The following CARHSP1 variants were observed in gnomAD, a reference collection of about 807,000 sequenced individuals.
CARHSP1 encodes the protein calcium-regulated heat-stable protein 1.
A neutral mutation model predicts 12.5 loss-of-function variants in CARHSP1; 14 were observed. The observed-to-expected ratio is 1.12, with a 90% CI of 0.74 to 1.75. CARHSP1 has a LOEUF of 1.75. Among genes scored for constraint, CARHSP1 ranks in the 40% most tolerant of loss-of-function variants. The probability of loss-of-function intolerance (pLI) is 0.00; values close to 1 mark genes in which losing one functional copy is unlikely to be tolerated. For missense variants in CARHSP1, 343 were observed against 201.6 expected (o/e 1.70, Z -4.25); for synonymous variants, 161 against 82.0 (o/e 1.96, Z -5.20).
intron 1 of CARHSP1, chr16:8,861,724 G>A: frequency 7.8e-7 from 1 of 1,287,766 alleles, no homozygotes; most frequent in Non-Finnish European, 1.0e-6. Context: ...AGTCCGGGGA[G>A]CCCCCACCTC....
intron 3 of CARHSP1, among the ~76,000 whole-genome samples, chr16:8,857,272 T>TTTTTTTTTTG (rs2061156337): frequency 3.4e-5 from 1 of 29,336 alleles, no homozygotes; most frequent in African/African-American, 1.2e-4. Context: ...TGTTTTTTTT[T>TTTTTTTTTTG]TTTTTTTTTT....
chr16:8,865,694 C>T (rs922377333), intron 1 of CARHSP1, among the ~76,000 whole-genome samples: 6 of 152,206 alleles, frequency 3.9e-5, no homozygotes, highest in African/African-American at 1.2e-4. Flanking sequence ...GTAGTGCTTT[C>T]ATACACCCTA....
In CARHSP1 at chr16:8,858,396, T is replaced by C; in HGVS notation, c.235A>G (p.Ile79Val). 6.2e-7 allele frequency: 1 copy of C among 1,614,034 alleles called. No individual in the cohort carries two copies. The highest frequency in any genetic ancestry group is 8.5e-7 in the Non-Finnish European group (1 of 1,180,024). ...TCGGGGCCGCCATCAGCTGGAGTAA[T>C]GAAGCCATGGCCCTTGGACCGGCAG... ...CFCRSKGHGF[I>V]TPADGGPDIF... is the part of the protein sequence containing the mutation. Residue 79 changes from isoleucine to valine, a missense_variant, in exon 3 of 4, where the codon ATT becomes GTT. Physicochemically the swap from Ile to Val is conservative, Grantham distance 29 (BLOSUM62 3). Coordinates refer to ENST00000311052, the MANE Select transcript of CARHSP1 (RefSeq NM_014316.4).
intron 1 of CARHSP1, chr16:8,860,100 C>T (rs566997449): frequency 1.0e-6 from 1 of 982,256 alleles, no homozygotes; most frequent in South Asian, 4.7e-5. Flanking sequence ...GGGGCAAAAA[C>T]TGACCCTCAC....
chr16:8,861,793 G>A (rs978971971), intron 1 of CARHSP1: 9 of 1,248,326 alleles, frequency 7.2e-6, no homozygotes, highest in South Asian at 4.0e-5. Flanking sequence ...ACCAGCACAG[G>A]TCATAGAGTC....
intron 1 of CARHSP1, among the ~76,000 whole-genome samples, chr16:8,864,300 G>T (rs913619666): frequency 6.6e-6 from 1 of 151,536 alleles, no homozygotes; most frequent in Non-Finnish European, 1.5e-5. Context: ...ATGGAGCGGG[G>T]AGCCTCACCT....
chr16:8,857,263 G>GTTTTTTGTTTTTTGTTTTTTTTT lies in CARHSP1; in HGVS notation c.281+1086_281+1087insAAAAAAAAACAAAAAACAAAAAA, dbSNP rs1315960023. Among the ~76,000 whole-genome samples the GTTTTTTGTTTTTTGTTTTTTTTT allele has an allele frequency of 6.5e-4, 37 of 57,038 alleles. 5 individuals carry two copies. Among genetic ancestry groups the GTTTTTTGTTTTTTGTTTTTTTTT allele is most frequent in the East Asian group, 1.8e-3 (2 of 1,120 alleles). The allele number at this position is 57,038 out of a possible 152,430, so 37.4% of individuals were successfully genotyped here. ...TGGCTATGTGATCTTGGGCAGATCTGTTTTTTTTTTTTTTTTTTTTTTTTT... is the reference window on the plus strand; with the variant it reads ...TGGCTATGTGATCTTGGGCAGATCTGTTTTTTGTTTTTTGTTTTTTTTTTTTTTTTTTTTTTTTTTTTTTTTTT... On this transcript the variant is annotated intron_variant, in intron 3 of 3. Coordinates refer to ENST00000311052, the MANE Select transcript of CARHSP1 (RefSeq NM_014316.4).
In CARHSP1 at chr16:8,853,729, C is replaced by T. The variant is rs1024757427; in HGVS notation, c.*1435G>A. ...AGCTATTTCTACTTTGAAATCATGACTAAAGCCAAACCACAACCACAGCAA... is the reference window on the plus strand; with the variant it reads ...AGCTATTTCTACTTTGAAATCATGATTAAAGCCAAACCACAACCACAGCAA... On this transcript the variant is annotated 3_prime_UTR_variant, in exon 4 of 4. Transcript: ENST00000311052. 6.6e-6 allele frequency: 1 copy of T among 152,190 alleles called. No homozygotes were observed. The highest frequency in any genetic ancestry group is 1.5e-5 in the Non-Finnish European group (1 of 68,042). The allele number at this position is 152,190 out of a possible 1,614,324, so 9.4% of individuals were successfully genotyped here.
chr16:8,862,386 CTGT>C (rs1353750066), intron 1 of CARHSP1, among the ~76,000 whole-genome samples: 5 of 152,162 alleles, frequency 3.3e-5, no homozygotes, highest in East Asian at 1.9e-4. Context: ...TCAGCTACGA[CTGT>C]TGTTATAATT....
chr16:8,858,537 G>A, intron 2 of CARHSP1, 65 bp from the exon 3 acceptor site: 1 of 1,583,104 alleles, frequency 6.3e-7, no homozygotes, highest in Non-Finnish European at 8.6e-7. Flanking sequence ...GCTCATTCCA[G>A]CCCCTGCCCA....
At chr16:8,862,831 AT>A (rs1219279304) in intron 1 of CARHSP1, among the ~76,000 whole-genome samples, 1 of 152,060 alleles carries the variant, frequency 6.6e-6, no homozygotes, top group Admixed American at 6.5e-5. Context: ...CATCACTGTC[AT>A]TGTCACCATC....
At chr16:8,859,381 G>A (rs760124238) in intron 1 of CARHSP1, 46 bp from the exon 2 acceptor site, 2 of 1,551,340 alleles carry the variant, frequency 1.3e-6, no homozygotes, top group East Asian at 4.7e-5. Context: ...TGCAAGGTAG[G>A]GACCCTGTGC....
At chr16:8,855,759 G>A (rs1478955017) in intron 3 of CARHSP1, among the ~76,000 whole-genome samples, 2 of 152,192 alleles carry the variant, frequency 1.3e-5, no homozygotes, top group Non-Finnish European at 2.9e-5. Flanking sequence ...CCTCAGCACT[G>A]CAGCCCCTGG....
In CARHSP1 at chr16:8,859,056, C is replaced by A. The variant is rs189608801; in HGVS notation, c.158+115G>T. On this transcript the variant is annotated intron_variant, in intron 2 of 3. Transcript: ENST00000311052. ...CTCAGCCCACGGCCCAGCCCCAGGTCTGCCTATTTGGCAGTCCGGGACATA... is the reference window on the plus strand; with the variant it reads ...CTCAGCCCACGGCCCAGCCCCAGGTATGCCTATTTGGCAGTCCGGGACATA... The A allele has an allele frequency of 6.6e-4, 645 of 979,740 alleles. 1 individual carries two copies. The highest frequency in any genetic ancestry group is 1.1e-3 in the Admixed American group (36 of 33,804). The allele number at this position is 979,740 out of a possible 1,614,324, so 60.7% of individuals were successfully genotyped here.
chr16:8,860,402 G>T, intron 1 of CARHSP1: 1 of 985,416 alleles, frequency 1.0e-6, no homozygotes, highest in Non-Finnish European at 1.2e-6. Context: ...CTGTGCTTTT[G>T]ACAATTTTTC....
At chr16:8,857,263 G>GTTTTTTTTTTTTTTTTTTTTTTTTTT (rs756390920) in intron 3 of CARHSP1, among the ~76,000 whole-genome samples, 2 of 57,034 alleles carry the variant, frequency 3.5e-5, no homozygotes, top group Non-Finnish European at 7.4e-5. Flanking sequence ...GGGCAGATCT[G>GTTTTTTTTTTTTTTTTTTTTTTTTTT]TTTTTTTTTT....
Position 8,855,123 on chromosome 16 carries a change from G to C in CARHSP1, c.*41C>G, listed in dbSNP as rs765123969. On this transcript the variant is annotated 3_prime_UTR_variant, in exon 4 of 4. Transcript: ENST00000311052. ...GTGTCTGCTGCCTCCTCCCTGCAAA[G>C]TCTCCCACAAGCACAGGACAAGGGG... 13 of 1,452,854 alleles carry C rather than the reference G, an allele frequency of 8.9e-6. No individual in the cohort carries two copies. The highest frequency in any genetic ancestry group is 1.5e-5 in the South Asian group (1 of 68,862). The allele number at this position is 1,452,854 out of a possible 1,614,324, so 90.0% of individuals were successfully genotyped here. A position where few individuals can be genotyped will look rare whatever the true frequency, so the allele number is the denominator to read the frequency against.
chr16:8,860,527 AGGCCCT>A (rs2061318971), intron 1 of CARHSP1: 1 of 985,428 alleles, frequency 1.0e-6, no homozygotes, highest in African/African-American at 1.7e-5. Context: ...CAGCAGTCAG[AGGCCCT>A]TGGGTAAGTC....
chr16:8,858,140 A>T (rs963383852), intron 3 of CARHSP1: 2 of 598,482 alleles, frequency 3.3e-6, no homozygotes, highest in East Asian at 2.9e-5. Context: ...CCAGCCTCAC[A>T]TCCCCCAACA....
Sources: allele counts gnomAD v4.1 joint callset (sites outside exome capture counted in the v4.1 genomes callset), GRCh38; gene constraint gnomAD v4.1.1; transcripts MANE v1.5; gene names NCBI Gene and HGNC (gene_info 2026-07-23, HGNC 2026-07-21).